Variants in TULP4 observed in about 807,000 individuals in gnomAD.
TULP4 encodes the protein TUB like protein 4.
In TULP4, 16 loss-of-function variants were observed where a neutral mutation model predicts 129.0. The observed-to-expected ratio is 0.12, with a 90% confidence interval of 0.08 to 0.19. The LOEUF is 0.19. TULP4 is among the 10% of genes least tolerant of loss of function. TULP4 has a pLI of 1.00. For synonymous variants in TULP4, 998 were observed against 854.0 expected, an observed-to-expected ratio of 1.17 and a Z score of -2.94; for missense variants, 1,842 against 2,059.1, an observed-to-expected ratio of 0.89 and a Z score of 2.04.
At position 158,337,035 on chromosome 6, in the gene TULP4, T is replaced by TTCTTTCTTTC. The variant is rs1554281465; in HGVS notation, c.252+22768_252+22769insCTTTCTTTCT. Among the ~76,000 whole-genome samples the TTCTTTCTTTC allele has an allele frequency of 8.8e-3, 236 of 26,680 alleles. 3 individuals are homozygous for TTCTTTCTTTC. The highest frequency in any genetic ancestry group is 0.015 in the African/African-American group (226 of 14,776). 17.5% of individuals were successfully genotyped at this position (26,680 alleles called of 152,430 possible). Reference sequence around the variant, plus strand: ...GAGCTGTAAAATTTTCTTTCTTTCTTTTTCTTTCTTTCTTTCTTTCTTTCT... The same window carrying TTCTTTCTTTC: ...GAGCTGTAAAATTTTCTTTCTTTCTTTCTTTCTTTCTTTCTTTCTTTCTTTCTTTCTTTCT... On this transcript the variant is annotated intron_variant, in intron 1 of 13. Coordinates refer to ENST00000367097, the MANE Select transcript of TULP4 (RefSeq NM_020245.5).
intron 1 of TULP4, among the ~76,000 whole-genome samples, chr6:158,395,920 C>T (rs1390028179): frequency 2.0e-5 from 3 of 151,704 alleles, no homozygotes; most frequent in Non-Finnish European, 4.4e-5. Flanking sequence ...TATTTTTATA[C>T]GTTGCACAGT....
At chr6:158,331,757 G>GTATA (rs1171180222) in intron 1 of TULP4, among the ~76,000 whole-genome samples, 5,492 of 16,112 alleles carry the variant, frequency 0.34, 1,112 homozygotes, top group South Asian at 0.49. Flanking sequence ...GTATATACAC[G>GTATA]TGTATATATA....
chr6:158,307,914 G>A (rs4709187), upstream of TULP4, among the ~76,000 whole-genome samples: 131,755 of 151,872 alleles, frequency 0.87, 57,506 homozygotes, highest in Admixed American at 0.92. Context: ...CCCCAGTTAC[G>A]TGGGGAGCTC....
chr6:158,365,711 T>C (rs1444704866), intron 1 of TULP4, among the ~76,000 whole-genome samples: 1 of 151,716 alleles, frequency 6.6e-6, no homozygotes, highest in Admixed American at 6.6e-5. Context: ...GACCTTGTGA[T>C]CCGCCCGCCT....
intron 2 of TULP4, among the ~76,000 whole-genome samples, chr6:158,422,776 C>G (rs908094840): frequency 6.6e-6 from 1 of 152,214 alleles, no homozygotes; most frequent in Non-Finnish European, 1.5e-5. Context: ...GCATGTGATT[C>G]ACCATGTAGC....
At chr6:158,239,050 CG>C (rs1400385873) in intron 1 of TULP4, among the ~76,000 whole-genome samples, 1 of 130,372 alleles carries the variant, frequency 7.7e-6, no homozygotes, top group African/African-American at 2.7e-5. Context: ...GCTGGCCGGG[CG>C]GGGGGCTGAC....
At chr6:158,259,874 A>G (rs556949328) in intron 1 of TULP4, among the ~76,000 whole-genome samples, 1 of 152,364 alleles carries the variant, frequency 6.6e-6, no homozygotes, top group Admixed American at 6.5e-5. Flanking sequence ...GAAGAGACAC[A>G]TAGGGCAAGA....
intron 1 of TULP4, among the ~76,000 whole-genome samples, chr6:158,269,338 A>G (rs1203517439): frequency 1.3e-5 from 2 of 150,596 alleles, no homozygotes; most frequent in Non-Finnish European, 2.9e-5. Flanking sequence ...GTGACTTTTC[A>G]TAACCTTACT....
chr6:158,486,496 T>C lies in TULP4; in HGVS notation c.1487-3092T>C, dbSNP rs571717087. 1.2e-4 allele frequency among the ~76,000 whole-genome samples: 18 copies of C among 152,012 alleles called. No individual in the cohort carries two copies. The South Asian group carries it at 3.7e-3, about 32-fold the overall frequency. On this transcript the variant is annotated intron_variant, in intron 8 of 13. Coordinates refer to ENST00000367097, the MANE Select transcript of TULP4 (RefSeq NM_020245.5). ...TGAACCTGGGAGGCGGAGCTTGCAG[T>C]GAGCCGAGATCGCGCCACTGCACTC...
chr6:158,406,078 C>G (rs1777972282), intron 1 of TULP4, among the ~76,000 whole-genome samples: 1 of 152,166 alleles, frequency 6.6e-6, no homozygotes, highest in Non-Finnish European at 1.5e-5. Flanking sequence ...CCTGAATGCA[C>G]CTGTTTGGTG....
chr6:158,381,360 G>A (rs1038763438), intron 1 of TULP4, among the ~76,000 whole-genome samples: 2 of 152,102 alleles, frequency 1.3e-5, no homozygotes, highest in Non-Finnish European at 2.9e-5. Flanking sequence ...CAGGGCTGGG[G>A]CATCACCCTG....
chr6:158,254,435 A>C (rs772624005), intron 1 of TULP4, among the ~76,000 whole-genome samples: 2 of 152,104 alleles, frequency 1.3e-5, no homozygotes, highest in Non-Finnish European at 2.9e-5. Context: ...GAGCCACCAC[A>C]CCCAGCCCAG....
At chr6:158,505,449 G>A (rs922714973) in intron 13 of TULP4, among the ~76,000 whole-genome samples, 2 of 152,220 alleles carry the variant, frequency 1.3e-5, no homozygotes, top group African/African-American at 4.8e-5. Context: ...TGTGTTGGCC[G>A]GACAACAGCA....
At chr6:158,274,643 G>A (rs1255760338) in intron 1 of TULP4, among the ~76,000 whole-genome samples, 3 of 152,182 alleles carry the variant, frequency 2.0e-5, no homozygotes, top group East Asian at 1.9e-4. Context: ...CGGGTGTGGT[G>A]GCGGGCGCCT....
At chr6:158,241,510 A>G (rs1777910528) in intron 1 of TULP4, among the ~76,000 whole-genome samples, 1 of 152,062 alleles carries the variant, frequency 6.6e-6, no homozygotes, top group East Asian at 1.9e-4. Flanking sequence ...CGGGAGGCCA[A>G]GGCTGGCGGA....
At chr6:158,473,675 C>T (rs1029691061) in intron 6 of TULP4, among the ~76,000 whole-genome samples, 3 of 152,112 alleles carry the variant, frequency 2.0e-5, no homozygotes, top group African/African-American at 4.8e-5. Context: ...TGTGCCACCA[C>T]GCCCGGCTAA....
chr6:158,305,461 A>ACCC, intron 1 of TULP4, among the ~76,000 whole-genome samples: 1 of 151,150 alleles, frequency 6.6e-6, no homozygotes, highest in African/African-American at 2.4e-5. Context: ...GCCCTTTGGG[A>ACCC]GGCTGAGGTG....
intron 3 of TULP4, among the ~76,000 whole-genome samples, chr6:158,435,764 C>T (rs566449055): frequency 2.6e-5 from 4 of 152,216 alleles, no homozygotes; most frequent in African/African-American, 7.2e-5. Context: ...AGACGTTGCT[C>T]AAGTCCACTG....
chr6:158,240,776 A>G (rs1204771916), intron 1 of TULP4, among the ~76,000 whole-genome samples: 7 of 117,776 alleles, frequency 5.9e-5, no homozygotes, highest in Non-Finnish European at 9.0e-5. Context: ...CCCGGTCGGC[A>G]CGGCTGGCCA....
Sources: gnomAD v4.1 joint callset for allele counts (sites outside exome capture counted in the v4.1 genomes callset) on GRCh38, gnomAD v4.1.1 for gene constraint, MANE v1.5 for transcripts, NCBI Gene and HGNC (gene_info 2026-07-23, HGNC 2026-07-21) for gene names.